Variants in SPAG16 observed in about 807,000 individuals in gnomAD.
SPAG16 encodes the protein sperm-associated antigen 16 protein.
SPAG16 carries 86 observed loss-of-function variants against 80.4 expected under a neutral mutation model. The ratio of observed to expected loss-of-function variants is 1.07; its 90% CI spans 0.90 to 1.28. SPAG16 has a LOEUF of 1.28. SPAG16 is among the 50% of genes most tolerant of loss of function. The pLI is 0.00. For missense variants in SPAG16, 870 were observed against 765.3 expected (o/e 1.14, Z -1.61); for synonymous variants, 294 against 265.9 (o/e 1.11, Z -1.03).
intron 6 of SPAG16, among the ~76,000 whole-genome samples, chr2:213,341,459 A>C (rs2064683156): frequency 6.6e-6 from 1 of 152,150 alleles, no homozygotes; most frequent in Non-Finnish European, 1.5e-5. Flanking sequence ...GTAAACCATT[A>C]AATGTTTACC....
intron 9 of SPAG16, among the ~76,000 whole-genome samples, chr2:213,479,292 A>C (rs1404167499): frequency 6.6e-6 from 1 of 151,928 alleles, no homozygotes; most frequent in Non-Finnish European, 1.5e-5. Flanking sequence ...AATTTCATAC[A>C]TCATGCCCCA....
rs541495989 is a variant in SPAG16 at position 213,843,052 on chromosome 2, C to T, written c.1071-19433C>T. On this transcript the variant is annotated intron_variant, in intron 10 of 15. Transcript: ENST00000331683. ...CCCAAAATGCTGATTACACTACTTC[C>T]CAAAAGGATTGCAGAGGTGAGCCAC... 7.2e-5 allele frequency among the ~76,000 whole-genome samples: 11 copies of T among 152,114 alleles called. No individual in the cohort carries two copies. The South Asian group carries it at 1.7e-3, about 23-fold the overall frequency.
chr2:213,710,947 A>G (rs910735052), intron 10 of SPAG16, among the ~76,000 whole-genome samples: 1 of 152,226 alleles, frequency 6.6e-6, no homozygotes, highest in Admixed American at 6.5e-5. Context: ...CTTTTTAGCA[A>G]AAACCTTTTC....
At position 213,940,824 on chromosome 2, in the gene SPAG16, A is replaced by G. The variant is rs2079168664; in HGVS notation, c.1400+10679A>G. On this transcript the variant is annotated intron_variant, in intron 12 of 15. Coordinates refer to ENST00000331683, the MANE Select transcript of SPAG16 (RefSeq NM_024532.5). Reference sequence around the variant, plus strand: ...ACAAACACACATAAATTGTATATGCAATAACTTCTTACCCCTAACTCTTAT... The same window carrying G: ...ACAAACACACATAAATTGTATATGCGATAACTTCTTACCCCTAACTCTTAT... 2.0e-5 allele frequency among the ~76,000 whole-genome samples: 3 copies of G among 152,188 alleles called. No individual in the cohort carries two copies. In the South Asian group the frequency reaches 6.2e-4, roughly 31 times the overall value.
chr2:213,649,955 G>A (rs1559343836), intron 10 of SPAG16, among the ~76,000 whole-genome samples: 6 of 152,030 alleles, frequency 3.9e-5, no homozygotes. Flanking sequence ...CTAAATAAAG[G>A]GGCTCAGAGG....
chr2:214,291,723 C>T (rs908301884), intron 15 of SPAG16, among the ~76,000 whole-genome samples: 2 of 152,046 alleles, frequency 1.3e-5, no homozygotes, highest in East Asian at 1.9e-4. Flanking sequence ...ATTGTTGTTT[C>T]GGGTTGTGTT....
chr2:214,133,106 T>A (rs71428332), intron 14 of SPAG16, among the ~76,000 whole-genome samples: 15 of 126,902 alleles, frequency 1.2e-4, no homozygotes, highest in African/African-American at 3.0e-4. Flanking sequence ...TAAAATAAAA[T>A]AAAAAAAATA....
intron 10 of SPAG16, among the ~76,000 whole-genome samples, chr2:213,715,218 ATCTG>A (rs201888270): frequency 7.0e-6 from 1 of 142,934 alleles, no homozygotes; most frequent in African/African-American, 2.6e-5. Context: ...AGGTAGATCT[ATCTG>A]TCTATCTATC....
chr2:213,745,573 T>A lies in SPAG16; in HGVS notation c.1071-116912T>A, dbSNP rs1022201448. 2.0e-5 allele frequency among the ~76,000 whole-genome samples: 3 copies of A among 152,166 alleles called. No individual in the cohort carries two copies. The East Asian group carries it at 5.8e-4, about 29-fold the overall frequency. ...ATTTCATACTTATTAAATATCATGA[T>A]TTTATATTTAAGTTATAGATATATT... is the stretch of plus-strand genomic sequence containing the variant. On this transcript the variant is annotated intron_variant, in intron 10 of 15. Transcript: ENST00000331683.
At chr2:213,421,296 G>T (rs114692070) in intron 9 of SPAG16, among the ~76,000 whole-genome samples, 2 of 152,198 alleles carry the variant, frequency 1.3e-5, no homozygotes, top group South Asian at 4.2e-4. Context: ...CCAGGTGTGC[G>T]TGTGCTTGGG....
At chr2:213,679,265 C>T (rs2064259673) in intron 10 of SPAG16, among the ~76,000 whole-genome samples, 2 of 152,158 alleles carry the variant, frequency 1.3e-5, no homozygotes, top group Admixed American at 1.3e-4. Flanking sequence ...CTGAGAAAAA[C>T]ATTTTTACTT....
At chr2:213,798,660 G>T (rs2071193663) in intron 10 of SPAG16, among the ~76,000 whole-genome samples, 1 of 152,070 alleles carries the variant, frequency 6.6e-6, no homozygotes, top group South Asian at 2.1e-4. Context: ...GTCAGGGAGT[G>T]ACCCAAGATT....
At chr2:213,362,877 G>T (rs191357993) in intron 7 of SPAG16, among the ~76,000 whole-genome samples, 1 of 152,214 alleles carries the variant, frequency 6.6e-6, no homozygotes, top group Admixed American at 6.5e-5. Flanking sequence ...AGAGAGATCT[G>T]CCTCCATGAC....
At chr2:213,699,603 C>G (rs1313675986) in intron 10 of SPAG16, among the ~76,000 whole-genome samples, 1 of 152,100 alleles carries the variant, frequency 6.6e-6, no homozygotes, top group Non-Finnish European at 1.5e-5. Flanking sequence ...AATCTAGAAC[C>G]TACGGATTTA....
At chr2:213,438,800 A>G (rs2070780980) in intron 9 of SPAG16, among the ~76,000 whole-genome samples, 1 of 152,248 alleles carries the variant, frequency 6.6e-6, no homozygotes, top group African/African-American at 2.4e-5. Context: ...CATAGGTCTA[A>G]CCTAATCAGA....
At chr2:214,381,672 T>C (rs777774436) in intron 15 of SPAG16, among the ~76,000 whole-genome samples, 5 of 152,234 alleles carry the variant, frequency 3.3e-5, no homozygotes, top group African/African-American at 4.8e-5. Flanking sequence ...GCAACATCAC[T>C]ATCTGTGCCA....
chr2:214,032,755 T>C (rs759003232), intron 13 of SPAG16, among the ~76,000 whole-genome samples: 8 of 152,168 alleles, frequency 5.3e-5, no homozygotes, highest in Non-Finnish European at 1.2e-4. Context: ...TCTATATTAA[T>C]TTTTGATGTA....
At chr2:213,873,283 C>G (rs2076020651) in intron 11 of SPAG16, among the ~76,000 whole-genome samples, 1 of 151,860 alleles carries the variant, frequency 6.6e-6, no homozygotes, top group Admixed American at 6.6e-5. Context: ...ATTTTTTTCT[C>G]ATATTTGTTG....
At chr2:213,596,191 A>G (rs181037056) in intron 10 of SPAG16, among the ~76,000 whole-genome samples, 1 of 152,252 alleles carries the variant, frequency 6.6e-6, no homozygotes, top group Admixed American at 6.5e-5. Flanking sequence ...GGGAATAATA[A>G]ATGAATTGAT....
Sources: gnomAD v4.1 joint callset for allele counts (sites outside exome capture counted in the v4.1 genomes callset) on GRCh38, gnomAD v4.1.1 for gene constraint, MANE v1.5 for transcripts, NCBI Gene and HGNC (gene_info 2026-07-23, HGNC 2026-07-21) for gene names.